RGS7: variants seen among roughly 807,000 people sequenced by gnomAD.
RGS7 encodes regulator of G-protein signaling 7.
A neutral mutation model predicts 81.1 loss-of-function variants in RGS7; 27 were observed. That is an observed-to-expected ratio of 0.33 (90% CI 0.25 to 0.46). The LOEUF is 0.46. Among genes scored for constraint, RGS7 ranks in the 20% least tolerant of loss-of-function variants. RGS7 has a pLI of 1.00. For missense variants in RGS7, 396 were observed against 607.4 expected, an observed-to-expected ratio of 0.65 and a Z score of 3.66; for synonymous variants, 208 against 207.7, an observed-to-expected ratio of 1.00 and a Z score of -0.01.
intron 3 of RGS7, among the ~76,000 whole-genome samples, chr1:240,989,823 C>T (rs1208294453): frequency 6.6e-6 from 1 of 152,046 alleles, no homozygotes; most frequent in African/African-American, 2.4e-5. Context: ...AAAACATAAA[C>T]TTATCAAAGA....
At chr1:241,107,147 GC>G (rs2065175979) in intron 2 of RGS7, among the ~76,000 whole-genome samples, 1 of 152,238 alleles carries the variant, frequency 6.6e-6, no homozygotes, top group African/African-American at 2.4e-5. Flanking sequence ...CATGCTTACT[GC>G]CCCCTCCACT....
At chr1:240,823,821 G>A (rs1277906069) in intron 10 of RGS7, among the ~76,000 whole-genome samples, 1 of 67,922 alleles carries the variant, frequency 1.5e-5, no homozygotes, top group Non-Finnish European at 3.1e-5. Context: ...CCCCCCTCCC[G>A]CCCCCCACTC....
chr1:241,094,620 CA>C (rs2064125370), intron 3 of RGS7, among the ~76,000 whole-genome samples: 1 of 151,916 alleles, frequency 6.6e-6, no homozygotes, highest in African/African-American at 2.4e-5. Context: ...AAAACAAAAA[CA>C]AAAACAAAAA....
intron 6 of RGS7, among the ~76,000 whole-genome samples, chr1:240,901,788 C>A (rs906082807): frequency 6.6e-6 from 1 of 152,208 alleles, no homozygotes; most frequent in Non-Finnish European, 1.5e-5. Context: ...TCCTCATTCC[C>A]ACTCCTAGTG....
rs932581766 is a variant in RGS7, at chr1:241,257,288, C to A, written c.78+98411G>T. ...TATTCTCTGACAGAGTCCCCCAAACCCTTTTATAAGAAAATTAATGCCATT... is the reference window on the plus strand; with the variant it reads ...TATTCTCTGACAGAGTCCCCCAAACACTTTTATAAGAAAATTAATGCCATT... On this transcript the variant is annotated intron_variant, in intron 2 of 18. Coordinates refer to ENST00000440928, the MANE Select transcript of RGS7 (RefSeq NM_001364886.1). Among the ~76,000 whole-genome samples the A allele has an allele frequency of 2.6e-5, 4 of 152,126 alleles. No individual in the cohort carries two copies. In the East Asian group the frequency reaches 5.8e-4, roughly 22 times the overall value.
intron 3 of RGS7, among the ~76,000 whole-genome samples, chr1:241,075,685 T>G (rs572075933): frequency 6.6e-6 from 1 of 152,226 alleles, no homozygotes; most frequent in Non-Finnish European, 1.5e-5. Context: ...CTGGGCCACA[T>G]GCAGCCTGTG....
intron 2 of RGS7, among the ~76,000 whole-genome samples, chr1:241,180,013 A>G (rs978236205): frequency 1.3e-5 from 2 of 152,206 alleles, no homozygotes; most frequent in African/African-American, 4.8e-5. Flanking sequence ...GAGGTTCTAT[A>G]GAATTGACAG....
chr1:240,780,785 G>T (rs575069069), intron 18 of RGS7, among the ~76,000 whole-genome samples: 1 of 151,398 alleles, frequency 6.6e-6, no homozygotes, highest in Non-Finnish European at 1.5e-5. Context: ...GTGGTGGTGC[G>T]TGCCTGTAGT....
intron 3 of RGS7, among the ~76,000 whole-genome samples, chr1:241,021,911 C>G (rs544466829): frequency 6.6e-6 from 1 of 152,140 alleles, no homozygotes; most frequent in South Asian, 2.1e-4. Context: ...TGGGAGAGGA[C>G]CAGCAGTTGA....
rs533558194 is a variant in RGS7, at chr1:241,266,828, G to A, written c.78+88871C>T. ...TTACAGAGTGTAAATTTTCCTTTTG[G>A]ATACAAAAATGTGACAAAAAAATCA... On this transcript the variant is annotated intron_variant, in intron 2 of 18. Coordinates refer to ENST00000440928, the MANE Select transcript of RGS7 (RefSeq NM_001364886.1). Among the ~76,000 whole-genome samples the A allele has an allele frequency of 8.4e-4, 56 of 66,634 alleles. 1 individual carries two copies. Among genetic ancestry groups the A allele is most frequent in the African/African-American group, 3.1e-3 (50 of 16,150 alleles). 43.7% of individuals were successfully genotyped at this position (66,634 alleles called of 152,430 possible).
chr1:240,848,323 T>G (rs1296489037), intron 9 of RGS7, among the ~76,000 whole-genome samples: 1 of 152,182 alleles, frequency 6.6e-6, no homozygotes, highest in African/African-American at 2.4e-5. Flanking sequence ...ATTATTTTAT[T>G]AAGTGATTGG....
intron 3 of RGS7, among the ~76,000 whole-genome samples, chr1:241,097,695 A>C (rs554552580): frequency 6.6e-6 from 1 of 152,172 alleles, no homozygotes; most frequent in South Asian, 2.1e-4. Flanking sequence ...GCCATGCCCC[A>C]GCACATCCCA....
At chr1:241,309,185 G>A (rs1283228088) in intron 2 of RGS7, among the ~76,000 whole-genome samples, 2 of 152,060 alleles carry the variant, frequency 1.3e-5, no homozygotes, top group African/African-American at 2.4e-5. Flanking sequence ...TCAGGAGTTC[G>A]AGACCAATCT....
intron 3 of RGS7, among the ~76,000 whole-genome samples, chr1:241,020,144 G>T (rs962636700): frequency 5.3e-5 from 8 of 152,310 alleles, no homozygotes; most frequent in African/African-American, 1.9e-4. Flanking sequence ...TAATGAAGTT[G>T]CTACAGGGGA....
chr1:241,014,049 T>C (rs994082265), intron 3 of RGS7, among the ~76,000 whole-genome samples: 1 of 152,230 alleles, frequency 6.6e-6, no homozygotes, highest in Non-Finnish European at 1.5e-5. Flanking sequence ...ACTTGAGAAA[T>C]GGTGGTGATG....
At chr1:241,250,085 T>C (rs1573351819) in intron 2 of RGS7, among the ~76,000 whole-genome samples, 1 of 152,156 alleles carries the variant, frequency 6.6e-6, no homozygotes, top group South Asian at 2.1e-4. Context: ...CATAATAAAA[T>C]TCATAATGAG....
chr1:240,909,745 C>A (rs1261451636), intron 6 of RGS7, among the ~76,000 whole-genome samples: 4 of 152,184 alleles, frequency 2.6e-5, no homozygotes, highest in African/African-American at 9.7e-5. Context: ...TCAAGTATTT[C>A]TCTGGCTCTT....
At chr1:240,963,931 G>A (rs1681879870) in intron 4 of RGS7, among the ~76,000 whole-genome samples, 1 of 152,188 alleles carries the variant, frequency 6.6e-6, no homozygotes, top group Non-Finnish European at 1.5e-5. Flanking sequence ...TGGATCACTT[G>A]AAGCCAGGAG....
chr1:241,156,682 G>C (rs926540995), intron 2 of RGS7, among the ~76,000 whole-genome samples: 1 of 152,078 alleles, frequency 6.6e-6, no homozygotes, highest in African/African-American at 2.4e-5. Flanking sequence ...GCCTTCAGCT[G>C]TCAACTACAT....
Sources: gnomAD v4.1 joint callset for allele counts (sites outside exome capture counted in the v4.1 genomes callset) on GRCh38, gnomAD v4.1.1 for gene constraint, MANE v1.5 for transcripts, NCBI Gene and HGNC (gene_info 2026-07-23, HGNC 2026-07-21) for gene names.